CREB5: variants seen among roughly 807,000 people sequenced by gnomAD.
CREB5 encodes the protein cAMP responsive element binding protein 5.
A neutral mutation model predicts 57.1 loss-of-function variants in CREB5; 19 were observed. That is an observed-to-expected ratio of 0.33 (90% CI 0.23 to 0.49). The LOEUF (loss-of-function observed/expected upper bound fraction) is 0.49, where lower values mean the gene tolerates loss of function less well. Among genes scored for constraint, CREB5 ranks in the 20% least tolerant of loss-of-function variants. CREB5 has a pLI of 0.99. For synonymous variants in CREB5, 238 were observed against 238.3 expected, an observed-to-expected ratio of 1.00 and a Z score of 0.01; for missense variants, 579 against 671.6, an observed-to-expected ratio of 0.86 and a Z score of 1.52.
rs1309069276 is a variant in CREB5 at position 28,580,588 on chromosome 7, TGTGTGA to T, written c.464+10053_464+10058del. Among the ~76,000 whole-genome samples, 137 of 146,100 alleles carry T rather than the reference TGTGTGA, an allele frequency of 9.4e-4. 1 individual carries two copies. Among genetic ancestry groups the T allele is most frequent in the African/African-American group, 2.3e-3 (94 of 40,558 alleles). ...GTGTGTGTGTGTGTGTGTGTGTGTG[TGTGTGA>T]GAGAGAGATAGACAGATTTTTATAA... On this transcript the variant is annotated intron_variant, in intron 5 of 10. Coordinates refer to ENST00000357727, the MANE Select transcript of CREB5 (RefSeq NM_182898.4).
chr7:28,501,251 CT>C (rs951615005), intron 3 of CREB5, among the ~76,000 whole-genome samples: 2 of 152,104 alleles, frequency 1.3e-5, no homozygotes, highest in African/African-American at 4.8e-5. Flanking sequence ...TTATTGGTAT[CT>C]CTTTAATAGT....
At chr7:28,429,090 A>T (rs1383464229) in intron 1 of CREB5, among the ~76,000 whole-genome samples, 1 of 152,066 alleles carries the variant, frequency 6.6e-6, no homozygotes, top group Non-Finnish European at 1.5e-5. Flanking sequence ...CAATGGCACA[A>T]CCTTGGCTCA....
intron 5 of CREB5, among the ~76,000 whole-genome samples, chr7:28,592,067 G>C (rs1796540870): frequency 6.6e-6 from 1 of 152,108 alleles, no homozygotes. Context: ...ATCAGATCAG[G>C]CCATCACAGA....
At chr7:28,401,548 T>C (rs953376072) in intron 1 of CREB5, among the ~76,000 whole-genome samples, 2 of 152,184 alleles carry the variant, frequency 1.3e-5, no homozygotes, top group Non-Finnish European at 2.9e-5. Context: ...TATCTCCTAA[T>C]GCTATCCCTC....
chr7:28,558,505 A>G (rs564971840), intron 4 of CREB5, among the ~76,000 whole-genome samples: 3 of 152,330 alleles, frequency 2.0e-5, no homozygotes, highest in African/African-American at 7.2e-5. Flanking sequence ...CTTGTAGCAC[A>G]TTTTCCTTTC....
intron 7 of CREB5, among the ~76,000 whole-genome samples, chr7:28,735,399 AGG>A (rs1803915916): frequency 6.6e-6 from 1 of 152,230 alleles, no homozygotes; most frequent in Admixed American, 6.5e-5. Context: ...GTAGGATTAC[AGG>A]GATCCTGCTC....
At chr7:28,743,019 A>C (rs1804460721) in intron 7 of CREB5, among the ~76,000 whole-genome samples, 1 of 152,136 alleles carries the variant, frequency 6.6e-6, no homozygotes. Context: ...CCTGACCTCA[A>C]GTGATCTGCC....
chr7:28,560,963 T>TGCGCGCGC (rs1194418363), intron 4 of CREB5, among the ~76,000 whole-genome samples: 1 of 48,150 alleles, frequency 2.1e-5, no homozygotes, highest in Non-Finnish European at 3.9e-5. Flanking sequence ...TGTGTGTGCG[T>TGCGCGCGC]GTGTGTGTGC....
chr7:28,520,529 G>T (rs1337793664), intron 4 of CREB5, among the ~76,000 whole-genome samples: 2 of 152,180 alleles, frequency 1.3e-5, no homozygotes, highest in Non-Finnish European at 2.9e-5. Context: ...CTTCCCAACG[G>T]CTGTTTGGTG....
At chr7:28,810,554 G>A (rs976577752) in intron 9 of CREB5, among the ~76,000 whole-genome samples, 4 of 152,060 alleles carry the variant, frequency 2.6e-5, no homozygotes, top group Non-Finnish European at 4.4e-5. Context: ...AAAATTGCCA[G>A]GTGTGGTGGT....
At chr7:28,332,506 G>A (rs1785735612) in intron 1 of CREB5, among the ~76,000 whole-genome samples, 1 of 152,260 alleles carries the variant, frequency 6.6e-6, no homozygotes, top group East Asian at 1.9e-4. Context: ...AGTGGGAAGT[G>A]ACTCTAAGCT....
chr7:28,756,557 C>CAAAA (rs34257489), intron 7 of CREB5, among the ~76,000 whole-genome samples: 3 of 140,658 alleles, frequency 2.1e-5, no homozygotes, highest in Non-Finnish European at 3.1e-5. Flanking sequence ...ATTCCATCTC[C>CAAAA]AAAAAAAAAA....
chr7:28,325,222 C>T (rs568000331), intron 1 of CREB5, among the ~76,000 whole-genome samples: 9 of 152,236 alleles, frequency 5.9e-5, no homozygotes, highest in East Asian at 3.9e-4. Context: ...TTTGGGAGGC[C>T]GAGGTGGGTG....
At chr7:28,585,083 A>G (rs1479143960) in intron 5 of CREB5, among the ~76,000 whole-genome samples, 2 of 152,218 alleles carry the variant, frequency 1.3e-5, no homozygotes, top group Admixed American at 1.3e-4. Flanking sequence ...ATAAACATCC[A>G]CTTTGAGGCA....
At chr7:28,549,012 T>G (rs1289784962) in intron 4 of CREB5, among the ~76,000 whole-genome samples, 1 of 152,232 alleles carries the variant, frequency 6.6e-6, no homozygotes, top group Non-Finnish European at 1.5e-5. Context: ...TAAGGAGGAA[T>G]CATCTTATTT....
chr7:28,809,484 G>T, intron 9 of CREB5, 70 bp downstream of exon 9: 1 of 1,415,582 alleles, frequency 7.1e-7, no homozygotes, highest in South Asian at 1.4e-5. Context: ...GGCCCTGACA[G>T]GCACTTGTTG....
chr7:28,385,578 A>G lies in CREB5; in HGVS notation c.-25+86137A>G, dbSNP rs181180261. 2.0e-5 allele frequency among the ~76,000 whole-genome samples: 3 copies of G among 151,954 alleles called. No homozygotes were observed. The East Asian group carries it at 5.8e-4, about 29-fold the overall frequency. On this transcript the variant is annotated intron_variant, in intron 1 of 9. Transcript: ENST00000396299. Reference sequence around the variant, plus strand: ...GTAGTCCCAGCTACTTGGGAGGCTGAGATGGGAGGATCACCTGAGCCTGGG... The same window carrying G: ...GTAGTCCCAGCTACTTGGGAGGCTGGGATGGGAGGATCACCTGAGCCTGGG...
intron 4 of CREB5, among the ~76,000 whole-genome samples, chr7:28,553,943 T>A (rs182832230): frequency 1.1e-4 from 17 of 152,250 alleles, no homozygotes; most frequent in Admixed American, 7.2e-4. Context: ...AGAATTCCTT[T>A]CCCTTCACTC....
intron 1 of CREB5, among the ~76,000 whole-genome samples, chr7:28,481,021 A>C (rs1791303057): frequency 6.6e-6 from 1 of 152,220 alleles, no homozygotes; most frequent in South Asian, 2.1e-4. Flanking sequence ...ACCCAATCCC[A>C]CTGGAATGTT....
Sources: gnomAD v4.1 joint callset for allele counts (sites outside exome capture counted in the v4.1 genomes callset) on GRCh38, gnomAD v4.1.1 for gene constraint, MANE v1.5 for transcripts, NCBI Gene and HGNC (gene_info 2026-07-23, HGNC 2026-07-21) for gene names.